Variants in TUSC3 observed in about 807,000 individuals in gnomAD.
TUSC3 encodes the protein dolichyl-diphosphooligosaccharide--protein glycosyltransferase subunit TUSC3.
In TUSC3, 45 loss-of-function variants were observed where a neutral mutation model predicts 44.8. The ratio of observed to expected loss-of-function variants is 1.00; its 90% CI spans 0.79 to 1.29. The LOEUF (loss-of-function observed/expected upper bound fraction) is 1.29. TUSC3 is among the 50% of genes most tolerant of loss of function. TUSC3 has a pLI of 0.00. For missense variants in TUSC3, 519 were observed against 437.9 expected (o/e 1.19, Z -1.65); for synonymous variants, 212 against 152.9 (o/e 1.39, Z -2.85).
chr8:15,537,368 T>C (rs1459318233), upstream of TUSC3, among the ~76,000 whole-genome samples: 1 of 152,194 alleles, frequency 6.6e-6, no homozygotes, highest in Non-Finnish European at 1.5e-5. Context: ...ATTTCTTAAA[T>C]GTATTTGATT....
intron 2 of TUSC3, among the ~76,000 whole-genome samples, chr8:15,650,058 ATG>A (rs1403048974): frequency 6.6e-6 from 1 of 152,220 alleles, no homozygotes; most frequent in East Asian, 1.9e-4. Flanking sequence ...TCTAATAAAA[ATG>A]TGTTCAAAGT....
intron 2 of TUSC3, among the ~76,000 whole-genome samples, chr8:15,497,859 C>T (rs1800904353): frequency 6.6e-6 from 1 of 151,982 alleles, no homozygotes; most frequent in South Asian, 2.1e-4. Flanking sequence ...ATTCTCCTGC[C>T]TCAGCCTCCT....
chr8:15,698,982 G>T (rs537186475), intron 6 of TUSC3, among the ~76,000 whole-genome samples: 2 of 151,890 alleles, frequency 1.3e-5, no homozygotes, highest in Non-Finnish European at 2.9e-5. Flanking sequence ...TAGTAGCTGG[G>T]ACTACAGGTG....
the TUSC3 span, among the ~76,000 whole-genome samples, chr8:15,773,752 T>C: frequency 6.6e-6 from 1 of 152,160 alleles, no homozygotes; most frequent in African/African-American, 2.4e-5. Context: ...AACATATAGA[T>C]TAATAGAATG....
At chr8:15,591,177 A>G (rs557604062) in intron 1 of TUSC3, among the ~76,000 whole-genome samples, 1 of 152,324 alleles carries the variant, frequency 6.6e-6, no homozygotes, top group Non-Finnish European at 1.5e-5. Flanking sequence ...GTTGCCAAAA[A>G]TGAACAGATC....
rs993189405 is a variant in TUSC3, at chr8:15,766,217, A to T, written c.*2061A>T. 3.3e-5 allele frequency: 5 copies of T among 152,038 alleles called. No homozygotes were observed. Among genetic ancestry groups the T allele is most frequent in the African/African-American group, 1.2e-4 (5 of 41,410 alleles). The allele number at this position is 152,038 out of a possible 1,614,324, so 9.4% of individuals were successfully genotyped here. A position where few individuals can be genotyped will look rare whatever the true frequency, so the allele number is the denominator to read the frequency against. ...TGGCTTCTCTATAGACAACTGTTACATTAGGGAAGTGATTCTAGAGCAAAA... is the reference window on the plus strand; with the variant it reads ...TGGCTTCTCTATAGACAACTGTTACTTTAGGGAAGTGATTCTAGAGCAAAA... On this transcript the variant is annotated 3_prime_UTR_variant, in exon 11 of 11. Transcript: ENST00000503731.
At chr8:15,832,974 A>G in the TUSC3 span, among the ~76,000 whole-genome samples, 17 of 152,192 alleles carry the variant, frequency 1.1e-4, no homozygotes, top group Non-Finnish European at 2.9e-5. Context: ...ACAGCAGAAT[A>G]TACATTGTTC....
At chr8:15,495,233 C>T (rs1441975328) in intron 2 of TUSC3, among the ~76,000 whole-genome samples, 2 of 152,168 alleles carry the variant, frequency 1.3e-5, no homozygotes, top group Non-Finnish European at 2.9e-5. Context: ...CCATCCCTCT[C>T]TGGGATAAAA....
intron 2 of TUSC3, among the ~76,000 whole-genome samples, chr8:15,483,911 C>A (rs1486957849): frequency 6.6e-6 from 1 of 151,866 alleles, no homozygotes; most frequent in African/African-American, 2.4e-5. Context: ...CCCACCTTGG[C>A]CTCCCAAAGT....
At chr8:15,719,800 A>C (rs953139150) in intron 6 of TUSC3, among the ~76,000 whole-genome samples, 12 of 152,088 alleles carry the variant, frequency 7.9e-5, no homozygotes, top group Non-Finnish European at 1.5e-4. Flanking sequence ...ATGTTGCCTA[A>C]ATAAAAAGCT....
intron 1 of TUSC3, among the ~76,000 whole-genome samples, chr8:15,436,696 CA>C (rs111253316): frequency 5.3e-5 from 8 of 150,822 alleles, no homozygotes; most frequent in South Asian, 2.1e-4. Context: ...AGAACTTTCA[CA>C]AAAAAAATAC....
At chr8:15,598,031 T>G (rs1804140470) in intron 1 of TUSC3, among the ~76,000 whole-genome samples, 1 of 152,062 alleles carries the variant, frequency 6.6e-6, no homozygotes, top group Admixed American at 6.6e-5. Flanking sequence ...GTAAATTTGT[T>G]GTTTCTAGAT....
the TUSC3 span, among the ~76,000 whole-genome samples, chr8:15,830,378 G>A: frequency 6.6e-6 from 1 of 152,058 alleles, no homozygotes; most frequent in Non-Finnish European, 1.5e-5. Flanking sequence ...TCCAGAAGAG[G>A]ATTTCCTAGG....
intron 1 of TUSC3, among the ~76,000 whole-genome samples, chr8:15,464,999 G>GCCA (rs1477999687): frequency 2.0e-5 from 3 of 152,042 alleles, no homozygotes; most frequent in Admixed American, 2.0e-4. Context: ...ACAGGCACCT[G>GCCA]CCACCATGCC....
rs761728491 is a variant in TUSC3, at chr8:15,757,862, C to CTT, written c.*46+10_*46+11dup. On this transcript the variant is annotated splice_region_variant and intron_variant, in intron 10 of 10. Transcript: ENST00000503731. ...AAAAACTCTATAACCTCAGGCAAGT[C>CTT]TTTTAATCTTCTCTGAGCCTCAGTT... The CTT allele has an allele frequency of 3.9e-5, 54 of 1,373,478 alleles. No homozygotes were observed. Among genetic ancestry groups the CTT allele is most frequent in the Non-Finnish European group, 5.0e-5 (48 of 960,878 alleles). 85.1% of individuals were successfully genotyped at this position (1,373,478 alleles called of 1,614,324 possible).
intron 10 of TUSC3, among the ~76,000 whole-genome samples, chr8:15,760,269 A>G (rs377688735): frequency 1.3e-5 from 2 of 152,302 alleles, no homozygotes; most frequent in East Asian, 1.9e-4. Context: ...AAATGTCATC[A>G]GTTTAGCCTG....
chr8:15,834,499 T>G, the TUSC3 span, among the ~76,000 whole-genome samples: 27,807 of 152,146 alleles, frequency 0.18, 3,469 homozygotes, highest in African/African-American at 0.35. Flanking sequence ...AACAGGTATG[T>G]TTCAACATTA....
Position 15,677,456 on chromosome 8 carries a change from G to A in TUSC3, c.798+3620G>A, listed in dbSNP as rs181102588. Among the ~76,000 whole-genome samples, 381 of 152,306 alleles carry A rather than the reference G, an allele frequency of 2.5e-3. 3 individuals carry two copies. Among genetic ancestry groups the A allele is most frequent in the Admixed American group, 5.4e-3 (83 of 15,310 alleles). On this transcript the variant is annotated intron_variant, in intron 6 of 10. Coordinates refer to ENST00000503731, the MANE Select transcript of TUSC3 (RefSeq NM_006765.4). ...TGAAGTGTGCAGGCAAAGAGAAACA[G>A]AAAGAAAACAGAGCAGGGTTCTTTT...
intron 2 of TUSC3, among the ~76,000 whole-genome samples, chr8:15,510,256 T>C (rs560226578): frequency 6.6e-6 from 1 of 151,870 alleles, no homozygotes; most frequent in East Asian, 1.9e-4. Context: ...ACCAATGCAA[T>C]AGAAAACCTA....
Sources: allele counts gnomAD v4.1 joint callset (sites outside exome capture counted in the v4.1 genomes callset), GRCh38; gene constraint gnomAD v4.1.1; transcripts MANE v1.5; gene names NCBI Gene and HGNC (gene_info 2026-07-23, HGNC 2026-07-21).